The following SULF2 variants were observed in gnomAD, a reference collection of about 807,000 sequenced individuals.
SULF2 encodes the protein extracellular sulfatase Sulf-2.
Under a neutral mutation model 107.7 loss-of-function variants are expected in SULF2, and 52 were observed. The ratio of observed to expected loss-of-function variants is 0.48; its 90% confidence interval spans 0.39 to 0.61. The LOEUF is 0.61. Among genes scored for constraint, SULF2 ranks in the 20% least tolerant of loss-of-function variants. SULF2 has a pLI of 0.00. For synonymous variants in SULF2, 460 were observed against 464.3 expected (o/e 0.99, Z 0.12); for missense variants, 993 against 1,177.3 (o/e 0.84, Z 2.29).
At chr20:47,671,109 A>G (rs1056265972) in intron 11 of SULF2, among the ~76,000 whole-genome samples, 4 of 152,180 alleles carry the variant, frequency 2.6e-5, no homozygotes, top group Non-Finnish European at 5.9e-5. Context: ...TGGTGAAGCG[A>G]TGGCCCAGGG....
At chr20:47,737,344 GTATTAATATACA>G (rs538453623) in intron 2 of SULF2, among the ~76,000 whole-genome samples, 50,466 of 152,076 alleles carry the variant, frequency 0.33, 8,902 homozygotes, top group East Asian at 0.61. Context: ...TTTTTGCAGG[GTATTAATATACA>G]TTGTTTTGTT....
rs1275904084 is a variant in SULF2, at chr20:47,657,555, CTTCAT to C, written c.*802_*806del. 1 of 152,050 alleles carries C rather than the reference CTTCAT, an allele frequency of 6.6e-6. No individual in the cohort carries two copies. Among genetic ancestry groups the C allele is most frequent in the Non-Finnish European group, 1.5e-5 (1 of 68,028 alleles). The allele number at this position is 152,050 out of a possible 1,614,324, so 9.4% of individuals were successfully genotyped here. ...CATCAAAACTTGGGACATACATCAA[CTTCAT>C]TTCTTTTCAGTACCTTAAAAAAAAA... On this transcript the variant is annotated 3_prime_UTR_variant, in exon 21 of 21. Transcript: ENST00000688720.
rs541657579 is a variant in SULF2 at position 47,706,249 on chromosome 20, C to T, written c.416-3579G>A. On this transcript the variant is annotated intron_variant, in intron 3 of 20. Transcript: ENST00000688720. ...AACAAGATTTCCTAAACCTTGTGAC[C>T]TTGACCCCCACCTCTAACGCTGCCC... Among the ~76,000 whole-genome samples, 7 of 152,234 alleles carry T rather than the reference C, an allele frequency of 4.6e-5. No individual in the cohort carries two copies. The South Asian group carries it at 8.3e-4, about 18-fold the overall frequency.
Position 47,690,110 on chromosome 20 carries a change from G to A in SULF2, c.737+16C>T. On this transcript the variant is annotated intron_variant, in intron 5 of 20. Transcript: ENST00000688720. ...TGCTAAGCAGTGCCTCTGGCAGGCAGAGTGCTGAGGCTTACATGTGCTGAG... is the reference window on the plus strand; with the variant it reads ...TGCTAAGCAGTGCCTCTGGCAGGCAAAGTGCTGAGGCTTACATGTGCTGAG... 7.1e-7 allele frequency: 1 copy of A among 1,400,902 alleles called. No individual in the cohort carries two copies. Among genetic ancestry groups the A allele is most frequent in the East Asian group, 2.7e-5 (1 of 37,700 alleles). The allele number at this position is 1,400,902 out of a possible 1,614,324, so 86.8% of individuals were successfully genotyped here.
At chr20:47,765,459 G>A (rs564366301) in intron 1 of SULF2, among the ~76,000 whole-genome samples, 29 of 152,122 alleles carry the variant, frequency 1.9e-4, no homozygotes, top group Non-Finnish European at 2.2e-4. Context: ...GGCAGAAGGC[G>A]GCATTGGTCA....
chr20:47,740,823 G>T (rs949863263), intron 2 of SULF2, among the ~76,000 whole-genome samples: 1 of 152,060 alleles, frequency 6.6e-6, no homozygotes, highest in Non-Finnish European at 1.5e-5. Flanking sequence ...GACATCCATT[G>T]ATGTCATTCG....
intron 5 of SULF2, chr20:47,685,517 A>G (rs6018641): frequency 0.87 from 132,815 of 152,128 alleles, 58,381 homozygotes; most frequent in African/African-American, 0.97. Context: ...GAGCCACTGC[A>G]CCTGGCCTCT....
chr20:47,781,406 T>C (rs1486183958), intron 1 of SULF2, among the ~76,000 whole-genome samples: 1 of 152,236 alleles, frequency 6.6e-6, no homozygotes, highest in Non-Finnish European at 1.5e-5. Flanking sequence ...TCCATCCAGC[T>C]CCAGGGAGAG....
intron 3 of SULF2, among the ~76,000 whole-genome samples, chr20:47,720,838 C>T (rs1316180221): frequency 6.6e-6 from 1 of 152,162 alleles, no homozygotes; most frequent in Admixed American, 6.5e-5. Flanking sequence ...GTCTGGGCAG[C>T]AGAGAACAAT....
intron 4 of SULF2, among the ~76,000 whole-genome samples, chr20:47,693,126 T>C (rs2088254234): frequency 6.6e-6 from 1 of 152,244 alleles, no homozygotes; most frequent in South Asian, 2.1e-4. Flanking sequence ...ACAGAATTTA[T>C]TACATAAAAA....
intron 17 of SULF2, among the ~76,000 whole-genome samples, chr20:47,662,664 C>T (rs2087115337): frequency 6.6e-6 from 1 of 152,190 alleles, no homozygotes; most frequent in Non-Finnish European, 1.5e-5. Flanking sequence ...TGTACGGAAG[C>T]ACTTAGCAGA....
intron 7 of SULF2, 84 bp downstream of exon 7, chr20:47,682,910 G>T: frequency 7.3e-7 from 1 of 1,377,290 alleles, no homozygotes; most frequent in Non-Finnish European, 9.8e-7. Flanking sequence ...GCCACCCAGG[G>T]TGGGCTTGGG....
chr20:47,778,623 C>T (rs1020492702), intron 1 of SULF2, among the ~76,000 whole-genome samples: 4 of 151,358 alleles, frequency 2.6e-5, no homozygotes, highest in African/African-American at 9.7e-5. Context: ...CTACAAGGCC[C>T]GAGATCCCAC....
chr20:47,755,995 C>T (rs1043521134), intron 2 of SULF2, among the ~76,000 whole-genome samples: 3 of 152,028 alleles, frequency 2.0e-5, no homozygotes, highest in African/African-American at 7.2e-5. Flanking sequence ...CTGGAATGAG[C>T]CTCCCTTAGT....
intron 4 of SULF2, among the ~76,000 whole-genome samples, chr20:47,693,072 T>C (rs1344603971): frequency 6.6e-6 from 1 of 152,204 alleles, no homozygotes; most frequent in Non-Finnish European, 1.5e-5. Flanking sequence ...ATATTATTTA[T>C]GGATTAATTT....
intron 5 of SULF2, chr20:47,685,408 G>T (rs1019734609): frequency 6.6e-6 from 1 of 152,114 alleles, no homozygotes; most frequent in African/African-American, 2.4e-5. Context: ...TGTATTTTTA[G>T]TAGAAATGGG....
chr20:47,703,192 T>A lies in SULF2; in HGVS notation c.416-522A>T, dbSNP rs190196796. Among the ~76,000 whole-genome samples, 88 of 152,344 alleles carry A rather than the reference T, an allele frequency of 5.8e-4. 1 individual carries two copies. Among genetic ancestry groups the A allele is most frequent in the Admixed American group, 4.1e-3 (63 of 15,302 alleles). ...GATTACAGGCGTGAGCCACCATACC[T>A]GGCCTACTGTGTCTTTTAAAACCTT... On this transcript the variant is annotated intron_variant, in intron 3 of 20. Coordinates refer to ENST00000688720, the MANE Select transcript of SULF2 (RefSeq NM_001387048.1).
intron 17 of SULF2, 73 bp from the exon 18 acceptor site, chr20:47,661,969 G>T (rs2146385049): frequency 7.3e-7 from 1 of 1,364,426 alleles, no homozygotes; most frequent in Admixed American, 2.4e-5. Context: ...ACCAACCAGG[G>T]GACATATTTC....
upstream of SULF2, chr20:47,785,724 C>T (rs1375513643): frequency 2.0e-5 from 3 of 147,498 alleles, no homozygotes; most frequent in East Asian, 6.0e-4. Context: ...GAGGCGGGCG[C>T]GCTCCGGGGC....
Sources: gnomAD v4.1 joint callset for allele counts (sites outside exome capture counted in the v4.1 genomes callset) on GRCh38, gnomAD v4.1.1 for gene constraint, MANE v1.5 for transcripts, NCBI Gene and HGNC (gene_info 2026-07-23, HGNC 2026-07-21) for gene names.